The following ALK variants were observed in gnomAD, a reference collection of about 807,000 sequenced individuals.
ALK encodes the protein ALK tyrosine kinase receptor.
Under a neutral mutation model 163.1 loss-of-function variants are expected in ALK, and 74 were observed. The ratio of observed to expected loss-of-function variants is 0.45; its 90% CI spans 0.38 to 0.55. The LOEUF is 0.55. Among genes scored for constraint, ALK ranks in the 20% least tolerant of loss-of-function variants. ALK has a pLI of 0.00. For missense variants in ALK, 2,063 were observed against 2,105.3 expected (o/e 0.98, Z 0.39); for synonymous variants, 960 against 843.2 (o/e 1.14, Z -2.40).
chr2:29,565,781 C>T (rs1674165152), intron 3 of ALK, among the ~76,000 whole-genome samples: 1 of 152,166 alleles, frequency 6.6e-6, no homozygotes, highest in Admixed American at 6.5e-5. Context: ...GATTGTTCCT[C>T]TCAACATAAA....
At chr2:29,244,830 CCTA>C (rs1321093519) in intron 12 of ALK, among the ~76,000 whole-genome samples, 1 of 152,252 alleles carries the variant, frequency 6.6e-6, no homozygotes, top group Non-Finnish European at 1.5e-5. Context: ...TGATATCTCT[CCTA>C]CTATTGTCTA....
Position 29,920,467 on chromosome 2 carries a change from G to T in ALK, c.193C>A (p.Arg65Ser), listed in dbSNP as rs1343353214. 6.2e-7 allele frequency: 1 copy of T among 1,612,596 alleles called. No individual in the cohort carries two copies. Residue 65 changes from arginine to serine, a missense_variant, in exon 1 of 29, where the codon CGT becomes AGT. Physicochemically the swap from Arg to Ser is moderately radical, Grantham distance 110 (BLOSUM62 -1). This residue lies in a region of ALK where 987 missense variants were observed against 939.5 expected (regional missense o/e 1.05). Coordinates refer to ENST00000389048, the MANE Select transcript of ALK (RefSeq NM_004304.5). ...AVDFVVPSLF[R>S]VYARDLLLPP... The stretch of plus-strand genomic sequence containing the variant: ...AGCAGTAGGTCCCGGGCGTAGACAC[G>T]GAAGAGCGAGGGCACCACGAAGTCA...
chr2:29,329,276 C>A (rs2148259377), intron 5 of ALK, among the ~76,000 whole-genome samples: 1 of 152,346 alleles, frequency 6.6e-6, no homozygotes, highest in African/African-American at 2.4e-5. Context: ...TGTGACCACT[C>A]ACATCTTTGC....
rs1678513810 is a variant in ALK, at chr2:29,695,016, T to C, written c.788-2A>G. 1 of 1,614,028 alleles carries C rather than the reference T, an allele frequency of 6.2e-7. No individual in the cohort carries two copies. On this transcript the variant is annotated splice_acceptor_variant, in intron 2 of 28. Transcript: ENST00000389048. LOFTEE classifies it high-confidence loss of function. ...GGAAGTCAAAGCTGCACTCCAGACC[T>C]GCAATAATAGCCAAGGGTCAATGGA...
chr2:29,525,910 T>G (rs1417319765), intron 4 of ALK, among the ~76,000 whole-genome samples: 1 of 152,110 alleles, frequency 6.6e-6, no homozygotes, highest in Non-Finnish European at 1.5e-5. Context: ...GAAGGTCCAG[T>G]TCCTCTTAAG....
In ALK at chr2:29,639,393, C is replaced by A. The variant is rs147610090; in HGVS notation, c.952+55457G>T. 3.8e-3 allele frequency among the ~76,000 whole-genome samples: 572 copies of A among 152,292 alleles called. 2 individuals are homozygous for A. The highest frequency in any genetic ancestry group is 6.1e-3 in the Non-Finnish European group (417 of 68,026). On this transcript the variant is annotated intron_variant, in intron 3 of 28. Coordinates refer to ENST00000389048, the MANE Select transcript of ALK (RefSeq NM_004304.5). ...GCACTGCCCCTGCCAGGACCACCCA[C>A]AGATAGGAACCCTCTGCAAGTTAAA...
At position 29,691,589 on chromosome 2, in the gene ALK, T is replaced by C. The variant is rs557159172; in HGVS notation, c.952+3261A>G. 2.0e-5 allele frequency among the ~76,000 whole-genome samples: 3 copies of C among 152,346 alleles called. No homozygotes were observed. In the East Asian group the frequency reaches 5.8e-4, roughly 29 times the overall value. The stretch of plus-strand genomic sequence containing the variant: ...AAAGTTTCACATTCAGTGTGTGCAC[T>C]GACCCTTGGGATCCAGCTTCATAAA... On this transcript the variant is annotated intron_variant, in intron 3 of 28. Coordinates refer to ENST00000389048, the MANE Select transcript of ALK (RefSeq NM_004304.5).
rs540426671 is a variant in ALK at position 29,238,756 on chromosome 2, C to T, written c.2355+924G>A. ...CTGGCCCAGAATCGCCTCCTCCTGCCTGCTTGGGAACTTCCTGTGCATCCA... is the reference window on the plus strand; with the variant it reads ...CTGGCCCAGAATCGCCTCCTCCTGCTTGCTTGGGAACTTCCTGTGCATCCA... On this transcript the variant is annotated intron_variant, in intron 13 of 28. Transcript: ENST00000389048. Among the ~76,000 whole-genome samples, 14 of 152,302 alleles carry T rather than the reference C, an allele frequency of 9.2e-5. No homozygotes were observed. The East Asian group carries it at 2.7e-3, about 29-fold the overall frequency.
intron 2 of ALK, among the ~76,000 whole-genome samples, chr2:29,706,426 C>G (rs962044025): frequency 2.6e-5 from 4 of 152,206 alleles, no homozygotes; most frequent in East Asian, 1.9e-4. Context: ...GCCCCTACCC[C>G]CTCTGCCCAC....
At chr2:29,236,336 C>A (rs1375938097) in intron 13 of ALK, among the ~76,000 whole-genome samples, 1 of 152,174 alleles carries the variant, frequency 6.6e-6, no homozygotes, top group Non-Finnish European at 1.5e-5. Flanking sequence ...GGGACCTCCA[C>A]CCCTAGGTGA....
intron 1 of ALK, among the ~76,000 whole-genome samples, chr2:29,820,450 A>G (rs1247963252): frequency 2.6e-5 from 4 of 152,158 alleles, no homozygotes; most frequent in African/African-American, 9.7e-5. Flanking sequence ...CCCAAACTAT[A>G]ATGTCACAGA....
chr2:29,342,586 TTA>T (rs1667824791), intron 5 of ALK, among the ~76,000 whole-genome samples: 2 of 152,214 alleles, frequency 1.3e-5, no homozygotes, highest in Non-Finnish European at 2.9e-5. Context: ...ATGGTAAATT[TTA>T]TGTTATATTT....
At chr2:29,383,934 G>A in intron 4 of ALK, 75 bp from the exon 5 acceptor site, 2 of 1,584,866 alleles carry the variant, frequency 1.3e-6, no homozygotes, top group South Asian at 2.2e-5. Context: ...TGTGGACAGG[G>A]TCATGTCCTT....
chr2:29,211,956 T>A (rs1375935835), intron 24 of ALK, among the ~76,000 whole-genome samples: 1 of 152,180 alleles, frequency 6.6e-6, no homozygotes, highest in African/African-American at 2.4e-5. Flanking sequence ...CTTGAGGGAA[T>A]GTAATCCTGT....
intron 4 of ALK, among the ~76,000 whole-genome samples, chr2:29,461,310 A>G (rs1004259535): frequency 6.6e-6 from 1 of 152,252 alleles, no homozygotes; most frequent in African/African-American, 2.4e-5. Context: ...ATCACTGATG[A>G]AAGTGGCTAC....
chr2:29,311,833 A>C (rs954697186), intron 8 of ALK, among the ~76,000 whole-genome samples: 2 of 152,280 alleles, frequency 1.3e-5, no homozygotes, highest in African/African-American at 4.8e-5. Context: ...CTCTGTAAAC[A>C]TGTTGGGACT....
intron 4 of ALK, among the ~76,000 whole-genome samples, chr2:29,398,162 A>G (rs1669356730): frequency 6.6e-6 from 1 of 152,210 alleles, no homozygotes; most frequent in African/African-American, 2.4e-5. Context: ...TAGAGGGGGC[A>G]GGAATCCCTG....
At chr2:29,667,365 G>T (rs1304898792) in intron 3 of ALK, among the ~76,000 whole-genome samples, 3 of 151,980 alleles carry the variant, frequency 2.0e-5, no homozygotes, top group Non-Finnish European at 4.4e-5. Context: ...AATAAAACTG[G>T]TGAAACTGGG....
At chr2:29,902,122 A>C (rs559884453) in intron 1 of ALK, among the ~76,000 whole-genome samples, 1 of 152,290 alleles carries the variant, frequency 6.6e-6, no homozygotes, top group Middle Eastern at 3.4e-3. Flanking sequence ...GACTTCTTAC[A>C]TGAGTTCTAG....
Sources: gnomAD v4.1 joint callset for allele counts (sites outside exome capture counted in the v4.1 genomes callset) on GRCh38, gnomAD v4.1.1 for gene constraint, gnomAD v4.1.1 regional missense constraint, MANE v1.5 for transcripts, NCBI Gene and HGNC (gene_info 2026-07-23, HGNC 2026-07-21) for gene names.